The following SSRP1 variants were observed in gnomAD, a reference collection of about 807,000 sequenced individuals.
SSRP1 encodes FACT complex subunit SSRP1.
In SSRP1, 21 loss-of-function variants were observed where a neutral mutation model predicts 84.4. The ratio of observed to expected loss-of-function variants is 0.25; its 90% confidence interval spans 0.18 to 0.36. The LOEUF is 0.36. Ranked by LOEUF, SSRP1 falls within the 10% of genes least tolerant of loss-of-function variation. The pLI is 1.00. For synonymous variants in SSRP1, 319 were observed against 318.3 expected, an observed-to-expected ratio of 1.00 and a Z score of -0.02; for missense variants, 519 against 900.8, an observed-to-expected ratio of 0.58 and a Z score of 5.43.
In SSRP1 at chr11:57,330,047, C is replaced by T. The variant is rs759114441; in HGVS notation, c.1481+46G>A. 3.7e-6 allele frequency: 6 copies of T among 1,612,256 alleles called. No homozygotes were observed. The East Asian group carries it at 8.9e-5, about 24-fold the overall frequency. On this transcript the variant is annotated intron_variant, in intron 12 of 16. Coordinates refer to ENST00000278412, the MANE Select transcript of SSRP1 (RefSeq NM_003146.3). The surrounding 1 kb of genome is among the most constrained non-coding windows in gnomAD (Gnocchi z 4.0). ...TCCAGAAATCTTCTGGTCCCTTAAG[C>T]TTATGGGTCACCATCTTATCCCCAC...
intron 4 of SSRP1, 85 bp downstream of exon 4, chr11:57,333,350 C>A (rs142911181): frequency 4.7e-6 from 6 of 1,280,064 alleles, no homozygotes; most frequent in Non-Finnish European, 6.8e-6. Context: ...GAGACAGTGG[C>A]AGAGGGAAAA....
chr11:57,335,479 G>A lies in SSRP1; in HGVS notation c.-119-239C>T. ...CTCTGGCCGCTCCGGCGGGAGCCAT[G>A]GCAACGAGCAGCGGAACCCCAGGGT... is the stretch of plus-strand genomic sequence containing the variant. On this transcript the variant is annotated intron_variant, in intron 1 of 16. Transcript: ENST00000278412. This position sits in a 1 kb window ranked among gnomAD's most constrained non-coding sequence, Gnocchi z 4.6. The A allele has an allele frequency of 3.1e-6, 1 of 323,142 alleles. No homozygotes were observed. Among genetic ancestry groups the A allele is most frequent in the Non-Finnish European group, 6.1e-6 (1 of 163,914 alleles). The allele number at this position is 323,142 out of a possible 1,614,324, so 20.0% of individuals were successfully genotyped here.
intron 13 of SSRP1, among the ~76,000 whole-genome samples, 158 bp downstream of exon 13, chr11:57,328,139 C>T (rs1175911819): frequency 1.3e-5 from 2 of 152,114 alleles, no homozygotes; most frequent in African/African-American, 4.8e-5. Context: ...GAAAAATTTC[C>T]AAGAAGATAA....
At chr11:57,331,987 G>T in intron 8 of SSRP1, 98 bp from the exon 9 acceptor site, 1 of 1,496,134 alleles carries the variant, frequency 6.7e-7, no homozygotes, top group Non-Finnish European at 9.1e-7. Context: ...CCTCGACTAA[G>T]TAAACCTCAC....
intron 2 of SSRP1, 91 bp downstream of exon 2, chr11:57,334,977 T>C (rs777110842): frequency 1.4e-6 from 2 of 1,477,444 alleles, no homozygotes; most frequent in Admixed American, 3.4e-5. Context: ...TTTTCCAAAA[T>C]AACGTTACCA....
At position 57,335,512 on chromosome 11, in the gene SSRP1, G is replaced by T. The variant is rs1216699143; in HGVS notation, c.-120+218C>A. ...GCAGCGGAACCCCAGGGTCTGCCAG[G>T]AGCCCGCACATCGCACGCGACCCAA... On this transcript the variant is annotated intron_variant, in intron 1 of 16. Transcript: ENST00000278412. The surrounding 1 kb of genome is among the most constrained non-coding windows in gnomAD (Gnocchi z 4.6). 4 of 296,398 alleles carry T rather than the reference G, an allele frequency of 1.3e-5. No individual in the cohort carries two copies. In the East Asian group the frequency reaches 3.2e-4, roughly 23 times the overall value. 18.4% of individuals were successfully genotyped at this position (296,398 alleles called of 1,614,324 possible). A position where few individuals can be genotyped will look rare whatever the true frequency, so the allele number is the denominator to read the frequency against.
chr11:57,333,607 C>T, intron 3 of SSRP1, 67 bp from the exon 4 acceptor site: 1 of 1,157,398 alleles, frequency 8.6e-7, no homozygotes, highest in South Asian at 1.2e-5. Context: ...ACTTGAATGT[C>T]CTGGGATTAT....
At chr11:57,327,560 A>G in intron 14 of SSRP1, 46 bp from the exon 15 acceptor site, 1 of 1,610,064 alleles carries the variant, frequency 6.2e-7, no homozygotes, top group Non-Finnish European at 8.5e-7. Context: ...GACCTCTCCC[A>G]TCTCCCCTCT....
chr11:57,330,183 T>A lies in SSRP1; in HGVS notation c.1436-45A>T, dbSNP rs1856060975. ...GCATCAGCTTCTGCCCCAATGGAAA[T>A]CCCCCCACCTCACCCAGGCACCCAG... On this transcript the variant is annotated intron_variant, in intron 11 of 16. Transcript: ENST00000278412. This position sits in a 1 kb window ranked among gnomAD's most constrained non-coding sequence, Gnocchi z 4.0. The A allele has an allele frequency of 6.2e-7, 1 of 1,613,870 alleles. No homozygotes were observed. The highest frequency in any genetic ancestry group is 2.2e-5 in the East Asian group (1 of 44,864).
In SSRP1 at chr11:57,329,967, T is replaced by C. The variant is rs566624079; in HGVS notation, c.1481+126A>G. On this transcript the variant is annotated intron_variant, in intron 12 of 16. Transcript: ENST00000278412. Reference sequence around the variant, plus strand: ...CAAAACATTTTCGTATATCACCTCATTGGAGGTCACTCTCCCATTCTGGGT... The same window carrying C: ...CAAAACATTTTCGTATATCACCTCACTGGAGGTCACTCTCCCATTCTGGGT... 4.8e-5 allele frequency: 56 copies of C among 1,164,310 alleles called. 1 individual carries two copies. In the East Asian group the frequency reaches 1.3e-3, roughly 26 times the overall value. The allele number at this position is 1,164,310 out of a possible 1,614,324, so 72.1% of individuals were successfully genotyped here. A position where few individuals can be genotyped will look rare whatever the true frequency, so the allele number is the denominator to read the frequency against.
In SSRP1 at chr11:57,326,436, C is replaced by T. The variant is rs1855981679; in HGVS notation, c.2101G>A (p.Glu701Lys). Residue 701 changes from glutamate to lysine, a missense_variant, in exon 17 of 17, where the codon GAG becomes AAG. By Grantham distance (56) the Glu-to-Lys change is moderately conservative (BLOSUM62 1). This residue lies in a region of SSRP1 where 197 missense variants were observed against 265.0 expected (regional missense o/e 0.74). Coordinates refer to ENST00000278412, the MANE Select transcript of SSRP1 (RefSeq NM_003146.3). The part of the protein sequence containing the change: ...EELASTPPSS[E>K]DSASGSDE ...TCATCGGATCCTGACGCTGAGTCCT[C>T]TGAGCTGGGGGGAGTACTGGCTAGT... is the stretch of plus-strand genomic sequence containing the variant. 6.2e-7 allele frequency: 1 copy of T among 1,614,078 alleles called. No homozygotes were observed. The highest frequency in any genetic ancestry group is 1.3e-5 in the African/African-American group (1 of 74,916).
rs1458810307 is a variant in SSRP1 at position 57,332,986 on chromosome 11, G to C, written c.510C>G (p.Thr170=). 4 of 1,613,418 alleles carry C rather than the reference G, an allele frequency of 2.5e-6. No individual in the cohort carries two copies. In the African/African-American group the frequency reaches 5.3e-5, roughly 22 times the overall value. Reference sequence around the variant, plus strand: ...CAACAGGGTCCACACCATCCTCCTGGGTGGGTGGGACGTAGAAGCGCACCT... The same window carrying C: ...CAACAGGGTCCACACCATCCTCCTGCGTGGGTGGGACGTAGAAGCGCACCT... ...LMEVRFYVPP[T]QEDGVDPVEA... is the part of the protein sequence containing the mutation. Residue 170 remains threonine (T), a synonymous_variant, in exon 5 of 17, where the codon ACC becomes ACG. Coordinates refer to ENST00000278412, the MANE Select transcript of SSRP1 (RefSeq NM_003146.3). The surrounding 1 kb of genome is among the most constrained non-coding windows in gnomAD (Gnocchi z 5.5).
intron 16 of SSRP1, 107 bp from the exon 17 acceptor site, chr11:57,326,585 C>T: frequency 1.3e-6 from 2 of 1,590,606 alleles, no homozygotes; most frequent in South Asian, 1.1e-5. Context: ...CAGCACCCCC[C>T]TTCAGAACCT....
rs1054960016 is a variant in SSRP1, at chr11:57,335,220, G to A, written c.-99C>T. 2.9e-5 allele frequency: 36 copies of A among 1,232,226 alleles called. No homozygotes were observed. In the South Asian group the frequency reaches 3.5e-4, roughly 12 times the overall value. 76.3% of individuals were successfully genotyped at this position (1,232,226 alleles called of 1,614,324 possible). A position where few individuals can be genotyped will look rare whatever the true frequency, so the allele number is the denominator to read the frequency against. On this transcript the variant is annotated 5_prime_UTR_variant, in exon 2 of 17. Coordinates refer to ENST00000278412, the MANE Select transcript of SSRP1 (RefSeq NM_003146.3). This position sits in a 1 kb window ranked among gnomAD's most constrained non-coding sequence, Gnocchi z 4.6. ...GCCCCAACTCCTGAGTGGGTGTGCG[G>A]ATGCTCAGCAGGTTGGGAATCTGAA...
At position 57,332,327 on chromosome 11, in the gene SSRP1, G is replaced by A. The variant is rs567758931; in HGVS notation, c.873-47C>T. 1 of 1,613,784 alleles carries A rather than the reference G, an allele frequency of 6.2e-7. No homozygotes were observed. Among genetic ancestry groups the A allele is most frequent in the Admixed American group, 1.7e-5 (1 of 60,002 alleles). The stretch of plus-strand genomic sequence containing the variant: ...GTCACAACACTACTGCCTTCTAATG[G>A]CACACCTGTCTCCTGCCTGGACAGT... On this transcript the variant is annotated intron_variant, in intron 7 of 16. Transcript: ENST00000278412. This position sits in a 1 kb window ranked among gnomAD's most constrained non-coding sequence, Gnocchi z 5.5.
intron 12 of SSRP1, chr11:57,329,305 C>CA (rs1488788655): frequency 1.3e-5 from 2 of 152,290 alleles, no homozygotes; most frequent in African/African-American, 4.8e-5. Context: ...ACCTTGCCCC[C>CA]ACTCAGGAAG....
rs921749396 is a variant in SSRP1, at chr11:57,333,320, T to C, written c.346+115A>G. The C allele has an allele frequency of 9.9e-5, 115 of 1,160,802 alleles. No individual in the cohort carries two copies. The South Asian group carries it at 1.5e-3, about 15-fold the overall frequency. The allele number at this position is 1,160,802 out of a possible 1,614,324, so 71.9% of individuals were successfully genotyped here. A position where few individuals can be genotyped will look rare whatever the true frequency, so the allele number is the denominator to read the frequency against. On this transcript the variant is annotated intron_variant, in intron 4 of 16. Transcript: ENST00000278412. ...GTACTCAATAAACACATGATGAACA[T>C]GCAAATAGATAGGAAACCAGAGACA...
At chr11:57,333,579 T>C (rs1044903373) in intron 3 of SSRP1, 39 bp from the exon 4 acceptor site, 8 of 1,493,704 alleles carry the variant, frequency 5.4e-6, no homozygotes, top group South Asian at 2.3e-5. Context: ...CCAGTAAACC[T>C]TGGTGGCCTT....
chr11:57,332,169 C>T lies in SSRP1; in HGVS notation c.984G>A (p.Val328=). ...ACTCTCACCCTTGGAAGTTGCCTGG[C>T]ACTGTGATCTTGCGGTTTACCAGTG... ...MKALVNRKIT[V]PGNFQGHSGA... is the part of the protein sequence containing the mutation. The change falls in exon 8 of 17, where the codon GTG becomes GTA. Residue 328 remains valine, a synonymous_variant. Coordinates refer to ENST00000278412, the MANE Select transcript of SSRP1 (RefSeq NM_003146.3). This position sits in a 1 kb window ranked among gnomAD's most constrained non-coding sequence, Gnocchi z 5.5. 2 of 1,613,900 alleles carry T rather than the reference C, an allele frequency of 1.2e-6. No homozygotes were observed. The highest frequency in any genetic ancestry group is 1.7e-6 in the Non-Finnish European group (2 of 1,180,020).
Sources: gnomAD v4.1 joint callset for allele counts (sites outside exome capture counted in the v4.1 genomes callset) on GRCh38, gnomAD v4.1.1 for gene constraint, gnomAD v4.1.1 regional missense constraint, Gnocchi (gnomAD v3.1) non-coding constraint, MANE v1.5 for transcripts, NCBI Gene and HGNC (gene_info 2026-07-23, HGNC 2026-07-21) for gene names.